The following PKHD1L1 variants were observed in gnomAD, a reference collection of about 807,000 sequenced individuals.
PKHD1L1 encodes fibrocystin-L.
In PKHD1L1, 434 loss-of-function variants were observed where a neutral mutation model predicts 462.9. The observed-to-expected ratio is 0.94, with a 90% CI of 0.87 to 1.02. The LOEUF (loss-of-function observed/expected upper bound fraction) is 1.02, where lower values mean the gene tolerates loss of function less well. PKHD1L1 is among the 50% of genes least tolerant of loss of function. The probability of loss-of-function intolerance (pLI) is 0.00; values close to 1 mark genes in which losing one functional copy is unlikely to be tolerated. For missense variants in PKHD1L1, 5,202 were observed against 5,096.1 expected (o/e 1.02, Z -0.63); for synonymous variants, 1,781 against 1,750.0 (o/e 1.02, Z -0.44).
intron 47 of PKHD1L1, among the ~76,000 whole-genome samples, chr8:109,460,909 G>A (rs886462705): frequency 2.0e-5 from 3 of 152,118 alleles, no homozygotes; most frequent in Admixed American, 6.6e-5. Flanking sequence ...GGAAAGTAAA[G>A]CACTAGCAAC....
chr8:109,480,709 G>T (rs1037407422), intron 55 of PKHD1L1: 4 of 422,278 alleles, frequency 9.5e-6, no homozygotes, highest in East Asian at 7.1e-5. Flanking sequence ...TAGCCAAAAA[G>T]CTATTAAGCA....
At chr8:109,397,898 C>T (rs1813060196) in intron 11 of PKHD1L1, among the ~76,000 whole-genome samples, 1 of 152,172 alleles carries the variant, frequency 6.6e-6, no homozygotes, top group Admixed American at 6.5e-5. Context: ...AACATAGACT[C>T]TTCTCCTAAG....
At chr8:109,394,986 T>C (rs1297358470) in intron 10 of PKHD1L1, among the ~76,000 whole-genome samples, 1 of 152,216 alleles carries the variant, frequency 6.6e-6, no homozygotes, top group African/African-American at 2.4e-5. Flanking sequence ...GACAACACAG[T>C]GCTCTGCAGA....
chr8:109,512,482 G>A (rs928560560), intron 71 of PKHD1L1, among the ~76,000 whole-genome samples: 7 of 152,068 alleles, frequency 4.6e-5, no homozygotes, highest in African/African-American at 1.7e-4. Context: ...TTTTTCTCGG[G>A]TTTGCCAAAG....
Position 109,442,982 on chromosome 8 carries a change from A to G in PKHD1L1, c.4430A>G (p.His1477Arg). ...TACCAATTTACTTCTCCTGGAATCC[A>G]TTATTATAGCAGCGGGTATGTTGAT... Reference protein sequence around the residue: ...FSYQFTSPGIHYYSSGYVDEA... With the variant: ...FSYQFTSPGIRYYSSGYVDEA... The change falls in exon 36 of 78, where the codon CAT (histidine) becomes CGT (arginine). Residue 1477 changes from histidine to arginine, a missense_variant. Physicochemically the swap from His to Arg is conservative, Grantham distance 29. Around this residue, in one of 3 missense-constraint regions of PKHD1L1, gnomAD observed 4,497 missense variants for 4,336.8 expected, o/e 1.04. Coordinates refer to ENST00000378402, the MANE Select transcript of PKHD1L1 (RefSeq NM_177531.6). 6.2e-7 allele frequency: 1 copy of G among 1,613,436 alleles called. No homozygotes were observed. The highest frequency in any genetic ancestry group is 8.5e-7 in the Non-Finnish European group (1 of 1,179,534).
intron 56 of PKHD1L1, 79 bp downstream of exon 56, chr8:109,481,641 C>A: frequency 8.0e-7 from 1 of 1,253,620 alleles, no homozygotes; most frequent in Non-Finnish European, 1.0e-6. Context: ...AAGTACATAT[C>A]AGTTCATAAT....
Position 109,531,897 on chromosome 8 carries a change from G to A in PKHD1L1, c.*1807G>A, listed in dbSNP as rs904702534. On this transcript the variant is annotated 3_prime_UTR_variant, in exon 78 of 78. Coordinates refer to ENST00000378402, the MANE Select transcript of PKHD1L1 (RefSeq NM_177531.6). The stretch of plus-strand genomic sequence containing the variant: ...AGAGACCCAACATGGGCCATTTCAC[G>A]CTGAGACTTAAAAATCAGTCTTCCT... Among the ~76,000 whole-genome samples the A allele has an allele frequency of 8.5e-5, 13 of 152,140 alleles. No homozygotes were observed. The highest frequency in any genetic ancestry group is 3.1e-4 in the African/African-American group (13 of 41,416).
Position 109,443,830 on chromosome 8 carries a change from G to A in PKHD1L1, c.4719G>A (p.Pro1573=), listed in dbSNP as rs543577186. ...CFSPSISNIT[P]STGTVNELIT... ...CACCATCTATAAGCAACATTACTCCGTCCACTGGAACAGTAAATGAACTAA... is the reference window on the plus strand; with the variant it reads ...CACCATCTATAAGCAACATTACTCCATCCACTGGAACAGTAAATGAACTAA... Residue 1573 remains proline, a synonymous_variant, in exon 37 of 78, where the codon CCG becomes CCA. Coordinates refer to ENST00000378402, the MANE Select transcript of PKHD1L1 (RefSeq NM_177531.6). 4.6e-5 allele frequency: 75 copies of A among 1,613,768 alleles called. No homozygotes were observed. In the Middle Eastern group the frequency reaches 6.6e-4, roughly 14 times the overall value.
chr8:109,526,653 T>G (rs1820829200), intron 76 of PKHD1L1, 131 bp from the exon 77 acceptor site: 1 of 797,590 alleles, frequency 1.3e-6, no homozygotes, highest in African/African-American at 1.7e-5. Context: ...CTAATTTATT[T>G]GACTCAACTT....
rs761972959 is a variant in PKHD1L1, at chr8:109,507,887, C to A, written c.11219C>A (p.Pro3740His). The change falls in exon 69 of 78, where the codon CCT becomes CAT. Residue 3740 changes from proline (P) to histidine (H), a missense_variant. Around this residue, in one of 3 missense-constraint regions of PKHD1L1, gnomAD observed 698 missense variants for 736.3 expected, o/e 0.95. Coordinates refer to ENST00000378402, the MANE Select transcript of PKHD1L1 (RefSeq NM_177531.6). Reference sequence around the variant, plus strand: ...AGAATTCCTGTCACTGAGAAAGCACCTCATAAAGGTTTGTTGGATCTTGCT... The same window carrying A: ...AGAATTCCTGTCACTGAGAAAGCACATCATAAAGGTTTGTTGGATCTTGCT... The part of the protein sequence containing the change: ...GSRIPVTEKA[P>H]HKGIIRDSTC... 14 of 1,613,392 alleles carry A rather than the reference C, an allele frequency of 8.7e-6. No homozygotes were observed. Among genetic ancestry groups the A allele is most frequent in the Non-Finnish European group, 1.2e-5 (14 of 1,179,528 alleles).
intron 71 of PKHD1L1, among the ~76,000 whole-genome samples, chr8:109,511,260 T>C (rs927588269): frequency 1.3e-5 from 2 of 151,990 alleles, no homozygotes; most frequent in African/African-American, 4.8e-5. Flanking sequence ...CAGTCACACA[T>C]GTATATATGT....
rs1818034983 is a variant in PKHD1L1 at position 109,477,254 on chromosome 8, C to T, written c.8947C>T (p.Gln2983Ter). Residue 2983 changes from glutamine to a stop codon, truncating the protein, a stop_gained, in exon 53 of 78, where the codon CAG becomes TAG. Coordinates refer to ENST00000378402, the MANE Select transcript of PKHD1L1 (RefSeq NM_177531.6). LOFTEE classifies it high-confidence loss of function. ...AGGAAGAAATGACCTTCATCAGAGTCAGCTCATTTCTGGGAACCTGGATCC... is the reference window on the plus strand; with the variant it reads ...AGGAAGAAATGACCTTCATCAGAGTTAGCTCATTTCTGGGAACCTGGATCC... ...VSGRNDLHQS[Q>*]LISGNLDPDV... 1 of 1,613,078 alleles carries T rather than the reference C, an allele frequency of 6.2e-7. No individual in the cohort carries two copies.
intron 3 of PKHD1L1, among the ~76,000 whole-genome samples, 183 bp downstream of exon 3, chr8:109,381,697 A>G (rs1399471935): frequency 6.6e-6 from 1 of 151,992 alleles, no homozygotes; most frequent in Non-Finnish European, 1.5e-5. Flanking sequence ...ATTCAATTTT[A>G]ATTGGCATGA....
At chr8:109,382,651 T>C in intron 4 of PKHD1L1, 80 bp downstream of exon 4, 1 of 1,033,944 alleles carries the variant, frequency 9.7e-7, no homozygotes, top group Non-Finnish European at 1.4e-6. Flanking sequence ...TCCTTTTTAG[T>C]TTTATAGACT....
rs1162894999 is a variant in PKHD1L1 at position 109,408,106 on chromosome 8, T to A, written c.1871T>A (p.Ile624Asn). The change falls in exon 18 of 78, where the codon ATT becomes AAT. Residue 624 changes from isoleucine to asparagine, a missense_variant. Physicochemically the swap from Ile to Asn is moderately radical, Grantham distance 149 (BLOSUM62 -3). Coordinates refer to ENST00000378402, the MANE Select transcript of PKHD1L1 (RefSeq NM_177531.6). Reference protein sequence around the residue: ...VVEGNNVTLDITEQTKGKPNL... With the variant: ...VVEGNNVTLDNTEQTKGKPNL... ...GAAGGGAATAATGTCACACTGGATA[T>A]TACAGAACAAACCAAAGGAAAACCC... The A allele has an allele frequency of 6.2e-7, 1 of 1,613,302 alleles. No individual in the cohort carries two copies. The highest frequency in any genetic ancestry group is 1.1e-5 in the South Asian group (1 of 91,056).
rs757577086 is a variant in PKHD1L1, at chr8:109,448,360, G to A, written c.5994G>A (p.Pro1998=). 46 of 1,612,492 alleles carry A rather than the reference G, an allele frequency of 2.9e-5. No homozygotes were observed. In the Middle Eastern group the frequency reaches 2.8e-3, roughly 98 times the overall value. ...TGTCCACAGTTGTATTTGAGTACCC[G>A]CTTAATATTCAAAATATTAATCCAA... ...SAMSTVVFEY[P]LNIQNINPSQ... The change falls in exon 39 of 78, where the codon CCG becomes CCA. Residue 1998 remains proline (P), a synonymous_variant. Transcript: ENST00000378402.
intron 23 of PKHD1L1, among the ~76,000 whole-genome samples, chr8:109,424,040 A>C (rs1251621097): frequency 2.0e-5 from 3 of 152,146 alleles, no homozygotes; most frequent in Non-Finnish European, 4.4e-5. Context: ...TACAAAGTAG[A>C]TACACTCATG....
intron 31 of PKHD1L1, 80 bp downstream of exon 31, chr8:109,438,536 C>A: frequency 7.6e-7 from 1 of 1,321,826 alleles, no homozygotes; most frequent in Non-Finnish European, 1.0e-6. Context: ...AGCATAGTTT[C>A]TTCTGTAGTT....
At chr8:109,510,962 G>A in intron 71 of PKHD1L1, 28 bp downstream of exon 71, 1 of 1,602,370 alleles carries the variant, frequency 6.2e-7, no homozygotes, top group Non-Finnish European at 8.5e-7. Context: ...AAGAGTAATT[G>A]CTGTTGATTA....
Sources: allele counts gnomAD v4.1 joint callset (sites outside exome capture counted in the v4.1 genomes callset), GRCh38; gene constraint gnomAD v4.1.1; regional missense constraint gnomAD v4.1.1; transcripts MANE v1.5; gene names NCBI Gene and HGNC (gene_info 2026-07-23, HGNC 2026-07-21).